Variants in CHCHD6 observed in about 807,000 individuals in gnomAD.
The protein encoded by CHCHD6 is coiled-coil-helix-coiled-coil-helix domain containing 6.
In CHCHD6, 28 loss-of-function variants were observed where a neutral mutation model predicts 32.3. The ratio of observed to expected loss-of-function variants is 0.87; its 90% CI spans 0.64 to 1.19. The LOEUF is 1.19. Ranked by LOEUF, CHCHD6 falls within the 50% of genes most tolerant of loss-of-function variation. The pLI is 0.00. For synonymous variants in CHCHD6, 122 were observed against 117.5 expected, an observed-to-expected ratio of 1.04 and a Z score of -0.25; for missense variants, 333 against 307.0, an observed-to-expected ratio of 1.08 and a Z score of -0.63.
chr3:126,896,895 C>T (rs563174536), intron 5 of CHCHD6, among the ~76,000 whole-genome samples: 2 of 152,320 alleles, frequency 1.3e-5, no homozygotes, highest in African/African-American at 4.8e-5. Context: ...CCTCCTAAGA[C>T]TTCTTTCCCA....
At chr3:126,950,394 A>G (rs898019684) in intron 6 of CHCHD6, among the ~76,000 whole-genome samples, 1 of 152,192 alleles carries the variant, frequency 6.6e-6, no homozygotes, top group Non-Finnish European at 1.5e-5. Flanking sequence ...TAGAATGTCT[A>G]TGAATTGAAT....
In CHCHD6 at chr3:126,801,359, G is replaced by A. The variant is rs192647488; in HGVS notation, c.412-51288G>A. Among the ~76,000 whole-genome samples the A allele has an allele frequency of 1.2e-4, 19 of 152,334 alleles. No individual in the cohort carries two copies. The East Asian group carries it at 3.3e-3, about 26-fold the overall frequency. ...CTGGAAAATCGGGTCACTCCCACCC[G>A]ATACTGCACTTTTCTGATGGGCTTA... On this transcript the variant is annotated intron_variant, in intron 4 of 7. Coordinates refer to ENST00000290913, the MANE Select transcript of CHCHD6 (RefSeq NM_032343.3).
chr3:126,834,182 T>A (rs1008806588), intron 4 of CHCHD6, among the ~76,000 whole-genome samples: 5 of 151,882 alleles, frequency 3.3e-5, no homozygotes, highest in Non-Finnish European at 5.9e-5. Flanking sequence ...ATCATGTGCC[T>A]ACCAAGTTTC....
chr3:126,954,067 A>G (rs536764884), intron 6 of CHCHD6, among the ~76,000 whole-genome samples: 3 of 152,294 alleles, frequency 2.0e-5, no homozygotes, highest in Admixed American at 6.5e-5. Context: ...TCCCTGTCTT[A>G]TCCCATTCAG....
intron 5 of CHCHD6, among the ~76,000 whole-genome samples, chr3:126,854,082 A>G (rs778496319): frequency 1.8e-4 from 28 of 152,084 alleles, no homozygotes; most frequent in Non-Finnish European, 3.1e-4. Flanking sequence ...TGCCTCTCTA[A>G]AATCTGTTTT....
intron 6 of CHCHD6, among the ~76,000 whole-genome samples, chr3:126,953,661 G>T (rs1207770314): frequency 1.3e-5 from 2 of 152,232 alleles, no homozygotes; most frequent in Non-Finnish European, 2.9e-5. Context: ...CCAGTGAGGT[G>T]AGCCAACTTC....
intron 5 of CHCHD6, among the ~76,000 whole-genome samples, chr3:126,896,161 A>G (rs1428764518): frequency 6.6e-6 from 1 of 152,220 alleles, no homozygotes; most frequent in Non-Finnish European, 1.5e-5. Context: ...AAACACTGAT[A>G]TTATGAAATA....
chr3:126,957,219 A>G, intron 6 of CHCHD6, 197 bp from the exon 7 acceptor site: 1 of 635,554 alleles, frequency 1.6e-6, no homozygotes, highest in Non-Finnish European at 2.7e-6. Flanking sequence ...CACCCACCAC[A>G]GGGCTTGACC....
In CHCHD6 at chr3:126,849,078, C is replaced by T. The variant is rs540697796; in HGVS notation, c.412-3569C>T. ...ACTAGGTTCATTTGTGGTCCAGGGG[C>T]GGGATCTGTAGCTTCCAGGCTTTCT... On this transcript the variant is annotated intron_variant, in intron 4 of 7. Transcript: ENST00000290913. Among the ~76,000 whole-genome samples, 6 of 152,314 alleles carry T rather than the reference C, an allele frequency of 3.9e-5. No homozygotes were observed. The South Asian group carries it at 6.2e-4, about 16-fold the overall frequency.
chr3:126,772,106 T>A (rs892403407), intron 4 of CHCHD6, among the ~76,000 whole-genome samples: 1 of 152,074 alleles, frequency 6.6e-6, no homozygotes, highest in Non-Finnish European at 1.5e-5. Flanking sequence ...TCTTCATAGG[T>A]TTTTTGTTTT....
At chr3:126,956,793 A>G (rs1051832427) in intron 6 of CHCHD6, among the ~76,000 whole-genome samples, 27 of 152,254 alleles carry the variant, frequency 1.8e-4, no homozygotes, top group African/African-American at 6.5e-4. Context: ...AAAAAATAGT[A>G]AATTACCCCC....
intron 4 of CHCHD6, chr3:126,767,087 G>A (rs1177330227): frequency 9.0e-6 from 11 of 1,215,610 alleles, no homozygotes; most frequent in African/African-American, 5.9e-5. Flanking sequence ...TGTCCGCCGT[G>A]CCCGGGCGAT....
intron 5 of CHCHD6, among the ~76,000 whole-genome samples, chr3:126,908,990 T>C (rs1256106255): frequency 6.6e-6 from 1 of 152,256 alleles, no homozygotes; most frequent in Non-Finnish European, 1.5e-5. Context: ...GCCACTGCCC[T>C]GTGCTGCCGC....
At chr3:126,792,754 T>G (rs1387649413) in intron 4 of CHCHD6, among the ~76,000 whole-genome samples, 2 of 152,236 alleles carry the variant, frequency 1.3e-5, no homozygotes, top group Non-Finnish European at 2.9e-5. Context: ...AATGTCAGAT[T>G]CAATTTTTTA....
At chr3:126,949,861 G>A (rs927881505) in intron 6 of CHCHD6, 4 of 155,268 alleles carry the variant, frequency 2.6e-5, no homozygotes, top group African/African-American at 9.6e-5. Flanking sequence ...AGAATGCAGA[G>A]CCTTGCCATA....
intron 3 of CHCHD6, among the ~76,000 whole-genome samples, chr3:126,731,835 G>A (rs1396729474): frequency 6.6e-6 from 1 of 152,116 alleles, no homozygotes; most frequent in African/African-American, 2.4e-5. Flanking sequence ...AGTGAATTTA[G>A]GAGGCTAAAG....
intron 4 of CHCHD6, among the ~76,000 whole-genome samples, chr3:126,749,550 A>G (rs1936642065): frequency 6.6e-6 from 1 of 152,184 alleles, no homozygotes; most frequent in African/African-American, 2.4e-5. Context: ...CTGCTGTAGC[A>G]GAGAGGCCCC....
chr3:126,911,230 G>A (rs1024635484), intron 5 of CHCHD6, among the ~76,000 whole-genome samples: 3 of 152,108 alleles, frequency 2.0e-5, no homozygotes, highest in Non-Finnish European at 4.4e-5. Context: ...ACGAGGCCAG[G>A]GAGCAAGCCA....
chr3:126,959,092 C>T (rs919806352), intron 7 of CHCHD6, among the ~76,000 whole-genome samples: 3 of 152,222 alleles, frequency 2.0e-5, no homozygotes, highest in African/African-American at 7.2e-5. Context: ...ACCCACCACC[C>T]CTAAGAGTAT....
Sources: gnomAD v4.1 joint callset for allele counts (sites outside exome capture counted in the v4.1 genomes callset) on GRCh38, gnomAD v4.1.1 for gene constraint, MANE v1.5 for transcripts, NCBI Gene and HGNC (gene_info 2026-07-23, HGNC 2026-07-21) for gene names.